CDKAL1: variants seen among roughly 807,000 people sequenced by gnomAD.
CDKAL1 encodes CDKAL1 threonylcarbamoyladenosine tRNA methylthiotransferase.
Under a neutral mutation model 68.2 loss-of-function variants are expected in CDKAL1, and 32 were observed. The observed-to-expected ratio is 0.47, with a 90% CI of 0.35 to 0.63. The LOEUF is 0.63. Among genes scored for constraint, CDKAL1 ranks in the 30% least tolerant of loss-of-function variants. The pLI is 0.00. For synonymous variants in CDKAL1, 234 were observed against 244.3 expected (o/e 0.96, Z 0.39); for missense variants, 606 against 696.7 (o/e 0.87, Z 1.47).
chr6:20,543,732 A>ATTTTTTT (rs758586145), intron 2 of CDKAL1, among the ~76,000 whole-genome samples: 5 of 102,418 alleles, frequency 4.9e-5, no homozygotes, highest in African/African-American at 1.6e-4. Context: ...TATGTTTTAC[A>ATTTTTTT]TTTTTTTTTT....
At chr6:20,935,544 T>C (rs1435387071) in intron 9 of CDKAL1, among the ~76,000 whole-genome samples, 4 of 151,902 alleles carry the variant, frequency 2.6e-5, no homozygotes, top group African/African-American at 9.7e-5. Context: ...TTCTTGCGCC[T>C]CAAGCCTCCT....
chr6:20,654,537 A>G (rs1271877840), intron 5 of CDKAL1, among the ~76,000 whole-genome samples: 1 of 151,960 alleles, frequency 6.6e-6, no homozygotes, highest in Non-Finnish European at 1.5e-5. Flanking sequence ...AGCTATTAAG[A>G]TATTTTCCTA....
At chr6:20,926,169 A>G (rs144200276) in intron 9 of CDKAL1, among the ~76,000 whole-genome samples, 49 of 152,234 alleles carry the variant, frequency 3.2e-4, no homozygotes, top group African/African-American at 1.2e-3. Flanking sequence ...AATCTATGGA[A>G]ATTCGCTGCA....
At chr6:21,225,234 G>GTCTT (rs1269000704) in intron 15 of CDKAL1, among the ~76,000 whole-genome samples, 1 of 152,138 alleles carries the variant, frequency 6.6e-6, no homozygotes, top group Non-Finnish European at 1.5e-5. Flanking sequence ...AGCAAGTCCT[G>GTCTT]TCTTAGTTGA....
chr6:21,125,284 CAT>C (rs371630188), intron 13 of CDKAL1, among the ~76,000 whole-genome samples: 1 of 152,288 alleles, frequency 6.6e-6, no homozygotes, highest in African/African-American at 2.4e-5. Context: ...TTCCTAGCGT[CAT>C]GTGAAGAAGG....
chr6:21,005,600 T>A (rs1410230705), intron 11 of CDKAL1, among the ~76,000 whole-genome samples: 5 of 152,238 alleles, frequency 3.3e-5, no homozygotes, highest in African/African-American at 1.2e-4. Flanking sequence ...TGTTTTTACC[T>A]GCAAGTTGCA....
Position 20,781,118 on chromosome 6 carries a change from ATG to A in CDKAL1, c.518-25_518-24del, listed in dbSNP as rs774308609. The A allele has an allele frequency of 6.2e-6, 10 of 1,603,228 alleles. No homozygotes were observed. In the African/African-American group the frequency reaches 1.3e-4, roughly 22 times the overall value. On this transcript the variant is annotated intron_variant, in intron 7 of 15. Coordinates refer to ENST00000274695, the MANE Select transcript of CDKAL1 (RefSeq NM_017774.3). ...ACAGTGAAGTGTGTAACTCTTGCTA[ATG>A]TATATTTATGTGCTTGATTTGAAGG...
At chr6:21,226,480 A>T (rs1394001596) in intron 15 of CDKAL1, among the ~76,000 whole-genome samples, 1 of 152,258 alleles carries the variant, frequency 6.6e-6, no homozygotes, top group Non-Finnish European at 1.5e-5. Context: ...ATGTTAATCA[A>T]AGTTAACACA....
At chr6:21,156,853 G>T (rs1776673658) in intron 13 of CDKAL1, among the ~76,000 whole-genome samples, 1 of 152,174 alleles carries the variant, frequency 6.6e-6, no homozygotes, top group African/African-American at 2.4e-5. Context: ...ATCCTTCTAA[G>T]AGTATCAAAC....
chr6:21,062,355 A>G (rs549374268), intron 11 of CDKAL1, among the ~76,000 whole-genome samples: 26 of 152,320 alleles, frequency 1.7e-4, no homozygotes, highest in African/African-American at 6.0e-4. Context: ...GAATTATTGA[A>G]AAGGCAAGTA....
In CDKAL1 at chr6:20,649,317, G is replaced by A; in HGVS notation, c.311G>A (p.Trp104Ter). 1 of 1,607,556 alleles carries A rather than the reference G, an allele frequency of 6.2e-7. No homozygotes were observed. Among genetic ancestry groups the A allele is most frequent in the Non-Finnish European group, 8.5e-7 (1 of 1,177,982 alleles). Residue 104 changes from tryptophan to a stop codon, truncating the protein, a stop_gained, in exon 5 of 16, where the codon TGG (tryptophan) becomes TAG (stop). Transcript: ENST00000274695. LOFTEE classifies it high-confidence loss of function. The part of the protein sequence containing the change: ...ITENASDADL[W>*]LLNSCTVKNP... Reference sequence around the variant, plus strand: ...GAAAATGCATCCGATGCAGATTTATGGCTCCTGAACAGTTGCACTGTAAAA... The same window carrying A: ...GAAAATGCATCCGATGCAGATTTATAGCTCCTGAACAGTTGCACTGTAAAA...
At chr6:20,938,517 G>A (rs936377301) in intron 9 of CDKAL1, among the ~76,000 whole-genome samples, 3 of 151,838 alleles carry the variant, frequency 2.0e-5, no homozygotes. Flanking sequence ...GTAGACTGAT[G>A]GTCTTCAAAT....
intron 9 of CDKAL1, among the ~76,000 whole-genome samples, chr6:20,939,774 T>C (rs1364866449): frequency 6.6e-6 from 1 of 152,180 alleles, no homozygotes; most frequent in Non-Finnish European, 1.5e-5. Flanking sequence ...GCTTTGGTAA[T>C]GATAATTCAT....
At chr6:20,613,603 AAGT>A (rs1766749777) in intron 4 of CDKAL1, among the ~76,000 whole-genome samples, 3 of 149,398 alleles carry the variant, frequency 2.0e-5, no homozygotes, top group African/African-American at 7.3e-5. Context: ...TTATTTTTTG[AAGT>A]AGTAGTATAT....
In CDKAL1 at chr6:21,065,175, T is replaced by C; in HGVS notation, c.1183T>C (p.Tyr395His). 6.2e-7 allele frequency: 1 copy of C among 1,610,506 alleles called. No individual in the cohort carries two copies. The highest frequency in any genetic ancestry group is 8.5e-7 in the Non-Finnish European group (1 of 1,178,986). Residue 395 changes from tyrosine (Y) to histidine (H), a missense_variant, in exon 12 of 16, where the codon TAC becomes CAC. Transcript: ENST00000274695. ...CCCAAGCCTGTTTATTAACCAATTT[T>C]ACCCAAGACCAGGAACTCCTGCTGC... is the stretch of plus-strand genomic sequence containing the variant. Reference protein sequence around the residue: ...KFPSLFINQFYPRPGTPAAKM... With the variant: ...KFPSLFINQFHPRPGTPAAKM...
intron 4 of CDKAL1, among the ~76,000 whole-genome samples, chr6:20,608,274 TTATATA>T (rs765425504): frequency 6.6e-6 from 1 of 152,018 alleles, no homozygotes; most frequent in South Asian, 2.1e-4. Flanking sequence ...CATGTGTAAT[TTATATA>T]TATATAAAGT....
intron 13 of CDKAL1, among the ~76,000 whole-genome samples, chr6:21,131,770 T>C (rs1013697730): frequency 6.6e-6 from 1 of 152,162 alleles, no homozygotes; most frequent in Non-Finnish European, 1.5e-5. Context: ...TCAGGGGAGA[T>C]CTCTGCATTA....
chr6:20,997,792 C>T (rs958938695), intron 10 of CDKAL1, among the ~76,000 whole-genome samples: 14 of 152,100 alleles, frequency 9.2e-5, no homozygotes, highest in Non-Finnish European at 1.5e-4. Context: ...CTTGCTAGTT[C>T]GGGAACTAGC....
Position 21,007,732 on chromosome 6 carries a change from G to A in CDKAL1, c.1055+7360G>A, listed in dbSNP as rs73733201. 1.6e-3 allele frequency among the ~76,000 whole-genome samples: 241 copies of A among 152,246 alleles called. 1 individual carries two copies. The highest frequency in any genetic ancestry group is 5.7e-3 in the African/African-American group (235 of 41,554). On this transcript the variant is annotated intron_variant, in intron 11 of 15. Coordinates refer to ENST00000274695, the MANE Select transcript of CDKAL1 (RefSeq NM_017774.3). ...TTTTGGGTGTTTACTTTCATGCCAAGCACTACTGTTAAAGCATTGTATGTC... is the reference window on the plus strand; with the variant it reads ...TTTTGGGTGTTTACTTTCATGCCAAACACTACTGTTAAAGCATTGTATGTC...
Sources: allele counts gnomAD v4.1 joint callset (sites outside exome capture counted in the v4.1 genomes callset), GRCh38; gene constraint gnomAD v4.1.1; transcripts MANE v1.5; gene names NCBI Gene and HGNC (gene_info 2026-07-23, HGNC 2026-07-21).